The following RABGEF1 variants were observed in gnomAD, a reference collection of about 807,000 sequenced individuals.
RABGEF1 encodes rab5 GDP/GTP exchange factor.
RABGEF1 carries 26 observed loss-of-function variants against 57.3 expected under a neutral mutation model. That is an observed-to-expected ratio of 0.45 (90% CI 0.33 to 0.63). The LOEUF is 0.63. Ranked by LOEUF, RABGEF1 falls within the 20% of genes least tolerant of loss-of-function variation. The probability of loss-of-function intolerance (pLI) is 0.02; values close to 1 mark genes in which losing one functional copy is unlikely to be tolerated. For synonymous variants in RABGEF1, 185 were observed against 210.7 expected, an observed-to-expected ratio of 0.88 and a Z score of 1.06; for missense variants, 464 against 607.6, an observed-to-expected ratio of 0.76 and a Z score of 2.48.
At chr7:66,713,230 T>C (rs1794984372) in intron 2 of RABGEF1, among the ~76,000 whole-genome samples, 1 of 151,624 alleles carries the variant, frequency 6.6e-6, no homozygotes, top group Non-Finnish European at 1.5e-5. Context: ...CAAGCTCTGC[T>C]TCCCGGGTTC....
At chr7:66,658,516 G>A in the RABGEF1 span, among the ~76,000 whole-genome samples, 3 of 138,868 alleles carry the variant, frequency 2.2e-5, no homozygotes, top group Non-Finnish European at 3.0e-5. Context: ...TGGGGGACAA[G>A]AGTGAGACTT....
Position 66,808,829 on chromosome 7 carries a change from C to T in RABGEF1, c.1078-57C>T, listed in dbSNP as rs764524442. 19 of 1,423,336 alleles carry T rather than the reference C, an allele frequency of 1.3e-5. No individual in the cohort carries two copies. The South Asian group carries it at 2.0e-4, about 15-fold the overall frequency. 88.2% of individuals were successfully genotyped at this position (1,423,336 alleles called of 1,614,324 possible). On this transcript the variant is annotated intron_variant, in intron 8 of 8. Transcript: ENST00000284957. ...CTGTGATCAAAAGATTTTTACAAAT[C>T]GACTCGAGTATGCATAGCTTTCCTA...
intron 1 of RABGEF1, among the ~76,000 whole-genome samples, chr7:66,688,876 T>A (rs1267117826): frequency 6.6e-6 from 1 of 152,158 alleles, no homozygotes; most frequent in East Asian, 1.9e-4. Context: ...GAGGATCACC[T>A]GAGGTCAGGA....
At chr7:66,757,867 T>C (rs1275807242) in intron 1 of RABGEF1, among the ~76,000 whole-genome samples, 1 of 152,182 alleles carries the variant, frequency 6.6e-6, no homozygotes, top group Non-Finnish European at 1.5e-5. Context: ...CGCCTCGACC[T>C]CCCAAAGTGC....
rs761689306 is a variant in RABGEF1, at chr7:66,805,260, A to T, written c.941A>T (p.Asp314Val). The change falls in exon 8 of 9, where the codon GAC becomes GTC. Residue 314 changes from aspartate (D) to valine (V), a missense_variant. Coordinates refer to ENST00000284957, the MANE Select transcript of RABGEF1 (RefSeq NM_014504.3). The part of the protein sequence containing the change: ...ITKNEPASAD[D>V]FLPTLIYIVL... ...AAGAATGAGCCGGCGTCAGCGGATG[A>T]CTTCCTCCCCACCCTCATCTACATT... The T allele has an allele frequency of 1.9e-6, 3 of 1,614,194 alleles. No homozygotes were observed. The South Asian group carries it at 3.3e-5, about 18-fold the overall frequency.
intron 7 of RABGEF1, among the ~76,000 whole-genome samples, chr7:66,799,651 G>A (rs908451245): frequency 4.0e-5 from 6 of 151,838 alleles, no homozygotes; most frequent in African/African-American, 1.5e-4. Flanking sequence ...ACTAAACTAA[G>A]GTCAAATGCA....
In RABGEF1 at chr7:66,750,260, A is replaced by G. The variant is rs557998528; in HGVS notation, c.-18+9468A>G. Among the ~76,000 whole-genome samples the G allele has an allele frequency of 2.6e-4, 39 of 152,372 alleles. No homozygotes were observed. The South Asian group carries it at 7.9e-3, about 31-fold the overall frequency. On this transcript the variant is annotated intron_variant, in intron 1 of 8. Transcript: ENST00000284957. ...CACTTTTTAATACCATCTATGAGAA[A>G]TTCAATGGCAAAGTGTTTTCATACC...
chr7:66,725,617 A>G (rs1248000691), intron 2 of RABGEF1, among the ~76,000 whole-genome samples: 3 of 152,186 alleles, frequency 2.0e-5, no homozygotes, highest in African/African-American at 4.8e-5. Context: ...TGTTCCATCC[A>G]TGGCAATTTT....
At chr7:66,798,995 C>T (rs928471619) in intron 6 of RABGEF1, among the ~76,000 whole-genome samples, 1 of 152,168 alleles carries the variant, frequency 6.6e-6, no homozygotes, top group Non-Finnish European at 1.5e-5. Flanking sequence ...AGGACATTAA[C>T]GCAGTAGGCA....
At chr7:66,764,305 A>T (rs928530406) in intron 1 of RABGEF1, among the ~76,000 whole-genome samples, 12 of 151,774 alleles carry the variant, frequency 7.9e-5, no homozygotes, top group African/African-American at 2.4e-4. Flanking sequence ...TTTACCTGCT[A>T]AAAAAAATTG....
intron 4 of RABGEF1, among the ~76,000 whole-genome samples, chr7:66,794,693 G>C: frequency 6.6e-6 from 1 of 152,136 alleles, no homozygotes; most frequent in South Asian, 2.1e-4. Flanking sequence ...CTATAACATT[G>C]TTTATTCATA....
the RABGEF1 span, among the ~76,000 whole-genome samples, chr7:66,673,940 A>C: frequency 6.6e-6 from 1 of 152,218 alleles, no homozygotes; most frequent in African/African-American, 2.4e-5. Flanking sequence ...TATTTTAAGA[A>C]AATGCAATAT....
chr7:66,797,500 G>C lies in RABGEF1; in HGVS notation c.722G>C (p.Arg241Thr), dbSNP rs1224235352. The change falls in exon 6 of 9, where the codon AGA becomes ACA. Residue 241 changes from arginine (R) to threonine (T), a missense_variant. Transcript: ENST00000284957. ...DEKKDLAIQK[R>T]IRALRWVTPQ... ...AAGAAAGATCTTGCCATTCAAAAGA[G>C]AATCAGGTAGTTGCTTATTTTGTTT... 2 of 1,606,870 alleles carry C rather than the reference G, an allele frequency of 1.2e-6. No individual in the cohort carries two copies. Among genetic ancestry groups the C allele is most frequent in the Admixed American group, 1.7e-5 (1 of 58,132 alleles).
chr7:66,804,808 A>G (rs1315321815), intron 7 of RABGEF1, among the ~76,000 whole-genome samples: 1 of 151,870 alleles, frequency 6.6e-6, no homozygotes, highest in Non-Finnish European at 1.5e-5. Context: ...ACCCTGCTAC[A>G]TACTGTCTGT....
chr7:66,711,173 T>G (rs1794729511), intron 1 of RABGEF1, among the ~76,000 whole-genome samples: 1 of 152,068 alleles, frequency 6.6e-6, no homozygotes, highest in Non-Finnish European at 1.5e-5. Flanking sequence ...AATATTTTTT[T>G]CTTTCTGTAG....
At chr7:66,782,037 A>G (rs990701770) in intron 3 of RABGEF1, among the ~76,000 whole-genome samples, 2 of 152,242 alleles carry the variant, frequency 1.3e-5, no homozygotes, top group Admixed American at 6.5e-5. Flanking sequence ...GAATGCCATC[A>G]GAGTATTCCA....
chr7:66,788,453 C>A (rs1426001843), intron 4 of RABGEF1, among the ~76,000 whole-genome samples: 1 of 150,526 alleles, frequency 6.6e-6, no homozygotes, highest in Non-Finnish European at 1.5e-5. Context: ...CAAAAAAAAA[C>A]AAAAAACAAA....
chr7:66,755,636 G>A (rs1457854420), intron 1 of RABGEF1, among the ~76,000 whole-genome samples: 1 of 152,190 alleles, frequency 6.6e-6, no homozygotes, highest in East Asian at 1.9e-4. Flanking sequence ...TTCCCTGGGC[G>A]AGGGCATAGA....
chr7:66,757,790 T>C (rs1259438974), intron 1 of RABGEF1, among the ~76,000 whole-genome samples: 2 of 152,178 alleles, frequency 1.3e-5, no homozygotes, highest in African/African-American at 4.8e-5. Context: ...TTTTTGTATT[T>C]TTAGTAGAGA....
Sources: gnomAD v4.1 joint callset for allele counts (sites outside exome capture counted in the v4.1 genomes callset) on GRCh38, gnomAD v4.1.1 for gene constraint, MANE v1.5 for transcripts, NCBI Gene and HGNC (gene_info 2026-07-23, HGNC 2026-07-21) for gene names.